SYTL1: variants seen among roughly 807,000 people sequenced by gnomAD.
The protein encoded by SYTL1 is synaptotagmin-like protein 1.
Under a neutral mutation model 74.6 loss-of-function variants are expected in SYTL1, and 53 were observed. That is an observed-to-expected ratio of 0.71 (90% CI 0.57 to 0.89). The LOEUF (loss-of-function observed/expected upper bound fraction) is 0.89, where lower values mean the gene tolerates loss of function less well. Among genes scored for constraint, SYTL1 ranks in the 40% least tolerant of loss-of-function variants. The probability of loss-of-function intolerance (pLI) is 0.00; values close to 1 mark genes in which losing one functional copy is unlikely to be tolerated. For missense variants in SYTL1, 728 were observed against 768.7 expected, an observed-to-expected ratio of 0.95 and a Z score of 0.63; for synonymous variants, 329 against 324.9, an observed-to-expected ratio of 1.01 and a Z score of -0.14.
At chr1:27,349,605 C>A (rs1464759519) in intron 7 of SYTL1, 47 bp from the exon 8 acceptor site, 1 of 1,557,352 alleles carries the variant, frequency 6.4e-7, no homozygotes, top group South Asian at 1.2e-5. Context: ...GCGCTCGGGG[C>A]AGGGGTGGGG....
chr1:27,353,542 G>T, intron 14 of SYTL1, 54 bp downstream of exon 14: 2 of 1,557,664 alleles, frequency 1.3e-6, no homozygotes, highest in Non-Finnish European at 1.7e-6. Flanking sequence ...GGGAGATGGG[G>T]GCTCAGTGTG....
intron 1 of SYTL1, among the ~76,000 whole-genome samples, chr1:27,344,086 A>G (rs2014893273): frequency 6.6e-6 from 1 of 152,034 alleles, no homozygotes; most frequent in African/African-American, 2.4e-5. Context: ...ATGTACCACC[A>G]TGCCCAGCTA....
At position 27,345,345 on chromosome 1, in the gene SYTL1, G is replaced by A; in HGVS notation, c.11G>A (p.Arg4Lys). The A allele has an allele frequency of 6.6e-7, 1 of 1,525,366 alleles. No individual in the cohort carries two copies. Among genetic ancestry groups the A allele is most frequent in the Non-Finnish European group, 8.8e-7 (1 of 1,135,690 alleles). The allele number at this position is 1,525,366 out of a possible 1,614,324, so 94.5% of individuals were successfully genotyped here. Residue 4 changes from arginine (R) to lysine (K), a missense_variant, in exon 2 of 15, where the codon AGG becomes AAG. Physicochemically the swap from Arg to Lys is conservative, Grantham distance 26. Coordinates refer to ENST00000616558, the MANE Select transcript of SYTL1 (RefSeq NM_001193308.2). The surrounding 1 kb of genome is among the most constrained non-coding windows in gnomAD (Gnocchi z 6.0). MPQ[R>K]GHPSQEGLWA... is the part of the protein sequence containing the mutation. The stretch of plus-strand genomic sequence containing the variant: ...GCACAGCCCCAGCTGATGCCCCAGA[G>A]GGGCCACCCATCGCAAGAGGGGCTT...
rs111554084 is a variant in SYTL1 at position 27,347,741 on chromosome 1, G to C, written c.341-67G>C. On this transcript the variant is annotated intron_variant, in intron 3 of 14. Coordinates refer to ENST00000616558, the MANE Select transcript of SYTL1 (RefSeq NM_001193308.2). This position sits in a 1 kb window ranked among gnomAD's most constrained non-coding sequence, Gnocchi z 4.9. ...ATGGGGTGGGTGGGTATCTCCCAGG[G>C]CCTCTCCCGAGTCACAGCCAGGCTT... is the stretch of plus-strand genomic sequence containing the variant. 1 of 1,561,516 alleles carries C rather than the reference G, an allele frequency of 6.4e-7. No homozygotes were observed. Among genetic ancestry groups the C allele is most frequent in the African/African-American group, 1.4e-5 (1 of 73,960 alleles).
At position 27,349,390 on chromosome 1, in the gene SYTL1, C is replaced by T; in HGVS notation, c.533-8C>T. ...AGGGCTCGCTTAGCATCTCGTGCCC[C>T]ACCCCAGATCCTGGCCAAGGAGACC... On this transcript the variant is annotated splice_region_variant and splice_polypyrimidine_tract_variant and intron_variant, in intron 6 of 14. Coordinates refer to ENST00000616558, the MANE Select transcript of SYTL1 (RefSeq NM_001193308.2). 2.8e-6 allele frequency: 4 copies of T among 1,445,388 alleles called. No homozygotes were observed. The highest frequency in any genetic ancestry group is 2.9e-5 in the Admixed American group (1 of 34,496). The allele number at this position is 1,445,388 out of a possible 1,614,324, so 89.5% of individuals were successfully genotyped here. A position where few individuals can be genotyped will look rare whatever the true frequency, so the allele number is the denominator to read the frequency against.
At position 27,351,395 on chromosome 1, in the gene SYTL1, C is replaced by A; in HGVS notation, c.1243+59C>A. ...GCCCTGAAAAGCGGGAGACTCCAGTCCCCGGGTTTGGGGGCGGTGGACTCC... is the reference window on the plus strand; with the variant it reads ...GCCCTGAAAAGCGGGAGACTCCAGTACCCGGGTTTGGGGGCGGTGGACTCC... On this transcript the variant is annotated intron_variant, in intron 12 of 14. Transcript: ENST00000616558. The surrounding 1 kb of genome is among the most constrained non-coding windows in gnomAD (Gnocchi z 5.0). 1 of 1,505,500 alleles carries A rather than the reference C, an allele frequency of 6.6e-7. No homozygotes were observed. Among genetic ancestry groups the A allele is most frequent in the Non-Finnish European group, 8.9e-7 (1 of 1,121,270 alleles). 93.3% of individuals were successfully genotyped at this position (1,505,500 alleles called of 1,614,324 possible). A position where few individuals can be genotyped will look rare whatever the true frequency, so the allele number is the denominator to read the frequency against.
In SYTL1 at chr1:27,347,633, C is replaced by A; in HGVS notation, c.340+64C>A. On this transcript the variant is annotated intron_variant, in intron 3 of 14. Coordinates refer to ENST00000616558, the MANE Select transcript of SYTL1 (RefSeq NM_001193308.2). The surrounding 1 kb of genome is among the most constrained non-coding windows in gnomAD (Gnocchi z 4.9). ...GTCCAGGGCGCTGGCTGTATGTGGACAGGGAGAGAGGACCACTAGGGCTCC... is the reference window on the plus strand; with the variant it reads ...GTCCAGGGCGCTGGCTGTATGTGGAAAGGGAGAGAGGACCACTAGGGCTCC... The A allele has an allele frequency of 6.3e-7, 1 of 1,586,314 alleles. No homozygotes were observed. Among genetic ancestry groups the A allele is most frequent in the Non-Finnish European group, 8.6e-7 (1 of 1,164,584 alleles).
chr1:27,345,364 G>A lies in SYTL1; in HGVS notation c.30G>A (p.Glu10=). ...CCCAGAGGGGCCACCCATCGCAAGAGGGGCTTTGGGCTCTGCCCTCCCTCC... is the reference window on the plus strand; with the variant it reads ...CCCAGAGGGGCCACCCATCGCAAGAAGGGCTTTGGGCTCTGCCCTCCCTCC... The part of the protein sequence containing the change: MPQRGHPSQ[E]GLWALPSLPM... The change falls in exon 2 of 15, where the codon GAG becomes GAA. Residue 10 remains glutamate, a synonymous_variant. Coordinates refer to ENST00000616558, the MANE Select transcript of SYTL1 (RefSeq NM_001193308.2). The surrounding 1 kb of genome is among the most constrained non-coding windows in gnomAD (Gnocchi z 6.0). 2 of 1,543,230 alleles carry A rather than the reference G, an allele frequency of 1.3e-6. No individual in the cohort carries two copies.
chr1:27,343,656 T>C lies in SYTL1; in HGVS notation c.-39+1506T>C, dbSNP rs2014874708. 6.6e-6 allele frequency among the ~76,000 whole-genome samples: 1 copy of C among 151,926 alleles called. No homozygotes were observed. The highest frequency in any genetic ancestry group is 1.5e-5 in the Non-Finnish European group (1 of 67,976). The stretch of plus-strand genomic sequence containing the variant: ...TAGGTGGGTGGTTGTATGTGTGCAT[T>C]CCCATGTGTGTGCAGGCATATTTCT... On this transcript the variant is annotated intron_variant, in intron 1 of 14. Coordinates refer to ENST00000616558, the MANE Select transcript of SYTL1 (RefSeq NM_001193308.2). The surrounding 1 kb of genome is among the most constrained non-coding windows in gnomAD (Gnocchi z 5.2).
At chr1:27,349,553 G>C (rs1445817424) in intron 7 of SYTL1, 55 bp downstream of exon 7, 8 of 1,472,304 alleles carry the variant, frequency 5.4e-6, no homozygotes, top group Non-Finnish European at 5.4e-6. Flanking sequence ...CTCCGGGCGG[G>C]GAGCGCTCCT....
At position 27,345,367 on chromosome 1, in the gene SYTL1, G is replaced by A. The variant is rs1240364711; in HGVS notation, c.33G>A (p.Gly11=). The change falls in exon 2 of 15, where the codon GGG becomes GGA. Residue 11 remains glycine, a synonymous_variant. Transcript: ENST00000616558. The surrounding 1 kb of genome is among the most constrained non-coding windows in gnomAD (Gnocchi z 6.0). The part of the protein sequence containing the change: MPQRGHPSQE[G]LWALPSLPMA... ...AGAGGGGCCACCCATCGCAAGAGGG[G>A]CTTTGGGCTCTGCCCTCCCTCCCCA... The A allele has an allele frequency of 1.3e-6, 2 of 1,547,996 alleles. No homozygotes were observed. The highest frequency in any genetic ancestry group is 2.4e-5 in the East Asian group (1 of 40,824).
Position 27,350,811 on chromosome 1 carries a change from C to G in SYTL1, c.1023C>G (p.Ala341=), listed in dbSNP as rs750434981. 7.4e-6 allele frequency: 12 copies of G among 1,613,816 alleles called. No individual in the cohort carries two copies. In the South Asian group the frequency reaches 1.3e-4, roughly 18 times the overall value. The change falls in exon 11 of 15, where the codon GCC becomes GCG. Residue 341 remains alanine, a synonymous_variant. Transcript: ENST00000616558. The surrounding 1 kb of genome is among the most constrained non-coding windows in gnomAD (Gnocchi z 6.3). Reference sequence around the variant, plus strand: ...GTCCTCAGTACTCCGTCCCGCAGGCCGAGCTTCAGGGCCGCGTGCTGAGCC... The same window carrying G: ...GTCCTCAGTACTCCGTCCCGCAGGCGGAGCTTCAGGGCCGCGTGCTGAGCC... ...NETLRYSVPQ[A]ELQGRVLSLS...
Position 27,349,750 on chromosome 1 carries a change from C to A in SYTL1, c.732C>A (p.Ser244Arg). The A allele has an allele frequency of 6.2e-7, 1 of 1,604,352 alleles. No individual in the cohort carries two copies. ...TCAGCAGCAGCTCCTCGGTGTCCAG[C>A]CTTAACTCCTCCACGGTGAGGCGGG... The part of the protein sequence containing the change: ...RMLSSSSSVS[S>R]LNSSTLSGSQ... Residue 244 changes from serine to arginine, a missense_variant, in exon 8 of 15, where the codon AGC becomes AGA. By Grantham distance (110) the Ser-to-Arg change is moderately radical (BLOSUM62 -1). Transcript: ENST00000616558.
rs1452348712 is a variant in SYTL1, at chr1:27,348,538, T to A, written c.459+526T>A. ...GCCTGACTAACATGGAGAAACCCCA[T>A]CTCTACTAAAAATACAAAATTAGCT... On this transcript the variant is annotated intron_variant, in intron 5 of 14. Coordinates refer to ENST00000616558, the MANE Select transcript of SYTL1 (RefSeq NM_001193308.2). This position sits in a 1 kb window ranked among gnomAD's most constrained non-coding sequence, Gnocchi z 4.1. Among the ~76,000 whole-genome samples the A allele has an allele frequency of 6.6e-6, 1 of 151,894 alleles. No individual in the cohort carries two copies. Among genetic ancestry groups the A allele is most frequent in the Non-Finnish European group, 1.5e-5 (1 of 67,972 alleles).
chr1:27,346,734 C>T (rs915307885), intron 2 of SYTL1, among the ~76,000 whole-genome samples: 4 of 151,906 alleles, frequency 2.6e-5, no homozygotes, highest in African/African-American at 9.7e-5. Context: ...GCACTCCAGC[C>T]CGGGCAACAG....
In SYTL1 at chr1:27,345,468, T is replaced by C. The variant is rs925798865; in HGVS notation, c.134T>C (p.Ile45Thr). 2 of 1,560,906 alleles carry C rather than the reference T, an allele frequency of 1.3e-6. No homozygotes were observed. Among genetic ancestry groups the C allele is most frequent in the African/African-American group, 1.4e-5 (1 of 73,980 alleles). The change falls in exon 2 of 15, where the codon ATT (isoleucine) becomes ACT (threonine). Residue 45 changes from isoleucine to threonine, a missense_variant. Ile to Thr is a moderately conservative substitution (Grantham distance 89). Transcript: ENST00000616558. The surrounding 1 kb of genome is among the most constrained non-coding windows in gnomAD (Gnocchi z 6.0). ...CTGACAGAGGAGGAGCAGGAGGCCA[T>C]TGCTGGCGTCCTCCAACGAGATGCC... ...SFLTEEEQEA[I>T]AGVLQRDARL...
At position 27,349,760 on chromosome 1, in the gene SYTL1, T is replaced by C. The variant is rs765036202; in HGVS notation, c.742T>C (p.Ser248Pro). 1 of 1,600,158 alleles carries C rather than the reference T, an allele frequency of 6.2e-7. No homozygotes were observed. Among genetic ancestry groups the C allele is most frequent in the Non-Finnish European group, 8.5e-7 (1 of 1,177,472 alleles). ...CTCCTCGGTGTCCAGCCTTAACTCC[T>C]CCACGGTGAGGCGGGAGGGAGGGGA... ...SSSSVSSLNSSTLSGSQMSLS... is the reference protein window; with the variant it reads ...SSSSVSSLNSPTLSGSQMSLS... Residue 248 changes from serine (S) to proline (P), a missense_variant, in exon 8 of 15, where the codon TCC (serine) becomes CCC (proline). Physicochemically the swap from Ser to Pro is moderately conservative, Grantham distance 74. Transcript: ENST00000616558.
At chr1:27,352,344 A>T (rs961908202) in intron 13 of SYTL1, 3 of 151,344 alleles carry the variant, frequency 2.0e-5, no homozygotes, top group Middle Eastern at 3.4e-3. Flanking sequence ...CTCAAAAAAT[A>T]AAAAAAAACC....
In SYTL1 at chr1:27,346,173, C is replaced by T. The variant is rs148165475; in HGVS notation, c.191+648C>T. Among the ~76,000 whole-genome samples the T allele has an allele frequency of 4.0e-3, 616 of 152,266 alleles. 5 individuals carry two copies. Among genetic ancestry groups the T allele is most frequent in the African/African-American group, 0.014 (577 of 41,560 alleles). On this transcript the variant is annotated intron_variant, in intron 2 of 14. Coordinates refer to ENST00000616558, the MANE Select transcript of SYTL1 (RefSeq NM_001193308.2). ...GCATGGTCCACTGGGCCTCCCTGGTCGGTCCTTGCCAGCCCCCACCATCTC... is the reference window on the plus strand; with the variant it reads ...GCATGGTCCACTGGGCCTCCCTGGTTGGTCCTTGCCAGCCCCCACCATCTC...
Sources: gnomAD v4.1 joint callset for allele counts (sites outside exome capture counted in the v4.1 genomes callset) on GRCh38, gnomAD v4.1.1 for gene constraint, Gnocchi (gnomAD v3.1) non-coding constraint, MANE v1.5 for transcripts, NCBI Gene and HGNC (gene_info 2026-07-23, HGNC 2026-07-21) for gene names.